Variants in CNTLN observed in about 807,000 individuals in gnomAD.
CNTLN encodes centlein, centrosomal protein.
In CNTLN, 212 loss-of-function variants were observed where a neutral mutation model predicts 180.0. That is an observed-to-expected ratio of 1.18 (90% CI 1.05 to 1.32). The LOEUF is 1.32. Among genes scored for constraint, CNTLN ranks in the 40% most tolerant of loss-of-function variants. The pLI, the probability that CNTLN is intolerant of heterozygous loss-of-function variation, is 0.00. For synonymous variants in CNTLN, 722 were observed against 563.1 expected (o/e 1.28, Z -3.99); for missense variants, 2,095 against 1,610.9 (o/e 1.30, Z -5.14).
At chr9:17,252,073 T>C (rs927226147) in intron 5 of CNTLN, among the ~76,000 whole-genome samples, 1 of 151,956 alleles carries the variant, frequency 6.6e-6, no homozygotes, top group Non-Finnish European at 1.5e-5. Context: ...TTCATTCTTT[T>C]TTATGTCTAA....
At chr9:17,263,968 G>A (rs202233734) in intron 5 of CNTLN, among the ~76,000 whole-genome samples, 31,733 of 140,414 alleles carry the variant, frequency 0.23, 4,097 homozygotes, top group South Asian at 0.39. Flanking sequence ...AGTAGGTTGC[G>A]AAAATTTTCT....
chr9:17,352,102 A>G (rs962673312), intron 12 of CNTLN, among the ~76,000 whole-genome samples: 4 of 152,014 alleles, frequency 2.6e-5, no homozygotes, highest in Admixed American at 2.0e-4. Flanking sequence ...AGAAGTAGGA[A>G]ATTTTACCCC....
At position 17,365,441 on chromosome 9, in the gene CNTLN, A is replaced by C. The variant is rs189825260; in HGVS notation, c.1887-1176A>C. On this transcript the variant is annotated intron_variant, in intron 12 of 25. Transcript: ENST00000380647. ...GTCTCAGGAGGTTTTTTTTATAGCA[A>C]AGTGAGAATAGACTAATACACCATC... Among the ~76,000 whole-genome samples the C allele has an allele frequency of 3.3e-5, 5 of 152,206 alleles. No homozygotes were observed. In the East Asian group the frequency reaches 9.7e-4, roughly 29 times the overall value.
At chr9:17,387,697 G>A (rs1026150706) in intron 13 of CNTLN, among the ~76,000 whole-genome samples, 27 of 152,102 alleles carry the variant, frequency 1.8e-4, no homozygotes, top group Middle Eastern at 3.4e-3. Context: ...AAAAAAGGTT[G>A]TGGTAGGGGT....
At chr9:17,156,538 A>C (rs1819302543) in intron 2 of CNTLN, among the ~76,000 whole-genome samples, 1 of 152,114 alleles carries the variant, frequency 6.6e-6, no homozygotes, top group Admixed American at 6.6e-5. Context: ...TTTTTGGAAT[A>C]AATTGGGTTA....
chr9:17,348,515 T>G (rs941595926), intron 12 of CNTLN, among the ~76,000 whole-genome samples: 5 of 149,316 alleles, frequency 3.3e-5, no homozygotes, highest in East Asian at 2.0e-4. Context: ...CACTCTGCTT[T>G]CTTTCTTTCT....
chr9:17,178,065 G>C (rs1820843593), intron 2 of CNTLN, among the ~76,000 whole-genome samples: 1 of 151,382 alleles, frequency 6.6e-6, no homozygotes, highest in East Asian at 1.9e-4. Context: ...CACACAGGGT[G>C]CTGATTGGTG....
intron 2 of CNTLN, among the ~76,000 whole-genome samples, chr9:17,165,862 A>G (rs1227450749): frequency 6.6e-6 from 1 of 152,220 alleles, no homozygotes; most frequent in Non-Finnish European, 1.5e-5. Context: ...AAGCATCCCT[A>G]GAGAAACAAC....
intron 1 of CNTLN, among the ~76,000 whole-genome samples, chr9:17,142,743 C>T (rs1276686276): frequency 6.6e-6 from 1 of 152,150 alleles, no homozygotes; most frequent in East Asian, 1.9e-4. Flanking sequence ...TAATTCATCC[C>T]TATTTTTTAA....
Position 17,308,128 on chromosome 9 carries a change from C to T in CNTLN, c.1147-930C>T, listed in dbSNP as rs985640192. Among the ~76,000 whole-genome samples the T allele has an allele frequency of 4.6e-5, 7 of 151,964 alleles. No homozygotes were observed. The East Asian group carries it at 7.7e-4, about 17-fold the overall frequency. On this transcript the variant is annotated intron_variant, in intron 7 of 25. Coordinates refer to ENST00000380647, the MANE Select transcript of CNTLN (RefSeq NM_017738.4). Reference sequence around the variant, plus strand: ...TATATCTCATTAAATCACAATTATACATTAGGATCAAGTTCACAAGTTCTG... The same window carrying T: ...TATATCTCATTAAATCACAATTATATATTAGGATCAAGTTCACAAGTTCTG...
At chr9:17,161,620 TA>T in intron 2 of CNTLN, among the ~76,000 whole-genome samples, 1 of 152,264 alleles carries the variant, frequency 6.6e-6, no homozygotes, top group Non-Finnish European at 1.5e-5. Flanking sequence ...ATCCTGGCTT[TA>T]AAAATTAGTA....
chr9:17,324,737 G>A lies in CNTLN; in HGVS notation c.1342-5895G>A, dbSNP rs180849145. On this transcript the variant is annotated intron_variant, in intron 8 of 25. Coordinates refer to ENST00000380647, the MANE Select transcript of CNTLN (RefSeq NM_017738.4). The stretch of plus-strand genomic sequence containing the variant: ...TATTTGGTATATGGAAGAAGTTAAA[G>A]TTTTGGAATTAATTTTCTTCCATTT... Among the ~76,000 whole-genome samples the A allele has an allele frequency of 5.5e-3, 839 of 152,140 alleles. 6 individuals are homozygous for A. Among genetic ancestry groups the A allele is most frequent in the African/African-American group, 0.018 (758 of 41,538 alleles).
At chr9:17,526,846 C>T in the CNTLN span, among the ~76,000 whole-genome samples, 1 of 151,034 alleles carries the variant, frequency 6.6e-6, no homozygotes, top group Non-Finnish European at 1.5e-5. Flanking sequence ...GTCACCTAAT[C>T]TCTCTTTTTT....
chr9:17,475,937 A>G (rs1832316712), intron 23 of CNTLN, among the ~76,000 whole-genome samples: 2 of 149,632 alleles, frequency 1.3e-5, no homozygotes, highest in South Asian at 4.2e-4. Context: ...ACCTCATTTT[A>G]TTGTGTTTGC....
chr9:17,135,643 C>T (rs76422101), intron 1 of CNTLN, among the ~76,000 whole-genome samples: 1 of 150,982 alleles, frequency 6.6e-6, no homozygotes, highest in Non-Finnish European at 1.5e-5. Flanking sequence ...TGCGGCCAGA[C>T]AGGCTTCGCC....
In CNTLN at chr9:17,229,143, T is replaced by G. The variant is rs568882698; in HGVS notation, c.534+2856T>G. ...ATTGTAGTGAAAGAGGTGAAAAGAC[T>G]TTATAGAAGTAAGGAGAGAGTACAA... On this transcript the variant is annotated intron_variant, in intron 3 of 25. Transcript: ENST00000380647. 3.0e-4 allele frequency among the ~76,000 whole-genome samples: 45 copies of G among 152,130 alleles called. 1 individual carries two copies. The highest frequency in any genetic ancestry group is 1.1e-3 in the African/African-American group (44 of 41,512).
At chr9:17,414,980 G>A (rs893303201) in intron 16 of CNTLN, among the ~76,000 whole-genome samples, 4 of 152,014 alleles carry the variant, frequency 2.6e-5, no homozygotes, top group Non-Finnish European at 2.9e-5. Flanking sequence ...CAGGTACTTG[G>A]GAGGCTGAGG....
At chr9:17,161,895 CT>C (rs145929901) in intron 2 of CNTLN, among the ~76,000 whole-genome samples, 7 of 150,846 alleles carry the variant, frequency 4.6e-5, no homozygotes, top group Non-Finnish European at 1.0e-4. Flanking sequence ...TCCTCCAGTC[CT>C]TTTTTTTTCA....
intron 6 of CNTLN, among the ~76,000 whole-genome samples, chr9:17,276,878 T>C (rs754796696): frequency 2.0e-5 from 3 of 152,146 alleles, no homozygotes; most frequent in Admixed American, 6.6e-5. Context: ...TTAAAATTAC[T>C]GTTTTTGATC....
Sources: allele counts gnomAD v4.1 joint callset (sites outside exome capture counted in the v4.1 genomes callset), GRCh38; gene constraint gnomAD v4.1.1; transcripts MANE v1.5; gene names NCBI Gene and HGNC (gene_info 2026-07-23, HGNC 2026-07-21).